MCF2L2: variants seen among roughly 807,000 people sequenced by gnomAD.
MCF2L2 encodes the protein MCF.2 cell line derived transforming sequence-like 2.
In MCF2L2, 102 loss-of-function variants were observed where a neutral mutation model predicts 150.2. The ratio of observed to expected loss-of-function variants is 0.68; its 90% CI spans 0.58 to 0.80. The LOEUF is 0.80. MCF2L2 is among the 30% of genes least tolerant of loss of function. MCF2L2 has a pLI of 0.00. For synonymous variants in MCF2L2, 465 were observed against 491.3 expected (o/e 0.95, Z 0.71); for missense variants, 1,256 against 1,372.8 (o/e 0.91, Z 1.34).
At position 183,395,935 on chromosome 3, in the gene MCF2L2, A is replaced by AAAAG. The variant is rs71629981; in HGVS notation, c.77-6160_77-6157dup. ...ATCGTCTCAAAAAAAAAAAAAAAAAAAAAGAAAGAAAGAAAGAAAGAAAGA... is the reference window on the plus strand; with the variant it reads ...ATCGTCTCAAAAAAAAAAAAAAAAAAAAAGAAAGAAAGAAAGAAAGAAAGAAAGA... On this transcript the variant is annotated intron_variant, in intron 1 of 29. Coordinates refer to ENST00000328913, the MANE Select transcript of MCF2L2 (RefSeq NM_015078.4). 1.1e-3 allele frequency among the ~76,000 whole-genome samples: 108 copies of AAAAG among 99,088 alleles called. 2 individuals carry two copies. The highest frequency in any genetic ancestry group is 2.5e-3 in the South Asian group (7 of 2,838). The allele number at this position is 99,088 out of a possible 152,430, so 65.0% of individuals were successfully genotyped here.
At chr3:183,406,315 G>C (rs541723049) in intron 1 of MCF2L2, among the ~76,000 whole-genome samples, 1 of 151,996 alleles carries the variant, frequency 6.6e-6, no homozygotes, top group African/African-American at 2.4e-5. Flanking sequence ...TACTGATATT[G>C]AGCATATTTT....
chr3:183,363,885 A>G (rs1449338140), intron 3 of MCF2L2, among the ~76,000 whole-genome samples: 1 of 152,246 alleles, frequency 6.6e-6, no homozygotes, highest in East Asian at 1.9e-4. Flanking sequence ...CATGCCAGTA[A>G]CAGAGGATTC....
intron 3 of MCF2L2, among the ~76,000 whole-genome samples, chr3:183,342,221 G>C (rs2108542463): frequency 6.6e-6 from 1 of 152,308 alleles, no homozygotes; most frequent in Middle Eastern, 3.4e-3. Flanking sequence ...AATTCTCACA[G>C]AATCTTTCGA....
chr3:183,179,442 C>T lies in MCF2L2; in HGVS notation c.3283G>A (p.Gly1095Arg). The change falls in exon 30 of 30, where the codon GGG becomes AGG. Residue 1095 changes from glycine to arginine, a missense_variant. Physicochemically the swap from Gly to Arg is moderately radical, Grantham distance 125. Transcript: ENST00000328913. This position sits in a 1 kb window ranked among gnomAD's most constrained non-coding sequence, Gnocchi z 4.2. Reference sequence around the variant, plus strand: ...CTCGCCTGGAAACCAGCCGTCGCCCCCGCAGGAGCCAGCCGGCCCGTGGAC... The same window carrying T: ...CTCGCCTGGAAACCAGCCGTCGCCCTCGCAGGAGCCAGCCGGCCCGTGGAC... ...GASTGRLAPAGATAGFQARAL... is the reference protein window; with the variant it reads ...GASTGRLAPARATAGFQARAL... 1.9e-6 allele frequency: 3 copies of T among 1,585,236 alleles called. No individual in the cohort carries two copies. Among genetic ancestry groups the T allele is most frequent in the Non-Finnish European group, 2.6e-6 (3 of 1,164,826 alleles).
chr3:183,392,521 A>G (rs992345707), intron 1 of MCF2L2, among the ~76,000 whole-genome samples: 1 of 152,194 alleles, frequency 6.6e-6, no homozygotes, highest in Non-Finnish European at 1.5e-5. Flanking sequence ...TTGTTTTTCT[A>G]AGAATAGCAA....
At chr3:183,204,660 C>G (rs529969826) in intron 25 of MCF2L2, among the ~76,000 whole-genome samples, 2 of 151,936 alleles carry the variant, frequency 1.3e-5, no homozygotes, top group East Asian at 1.9e-4. Context: ...ATATATACAC[C>G]AAAGAAAACT....
intron 1 of MCF2L2, among the ~76,000 whole-genome samples, chr3:183,397,163 T>G (rs1714512026): frequency 6.6e-6 from 1 of 152,150 alleles, no homozygotes; most frequent in South Asian, 2.1e-4. Context: ...TAACCACAAG[T>G]CTTAGTCTGT....
intron 27 of MCF2L2, among the ~76,000 whole-genome samples, chr3:183,187,219 C>G (rs184634571): frequency 6.6e-6 from 1 of 152,260 alleles, no homozygotes; most frequent in Non-Finnish European, 1.5e-5. Flanking sequence ...ACAACCATGA[C>G]GTGCTATACC....
At chr3:183,361,014 A>AAAAGAAAAGG (rs1560040140) in intron 3 of MCF2L2, among the ~76,000 whole-genome samples, 2 of 143,396 alleles carry the variant, frequency 1.4e-5, no homozygotes, top group East Asian at 4.0e-4. Context: ...AAAAGAAAAG[A>AAAAGAAAAGG]AAAGAAAAGA....
intron 2 of MCF2L2, among the ~76,000 whole-genome samples, chr3:183,388,464 T>G (rs1163776012): frequency 6.6e-6 from 1 of 152,090 alleles, no homozygotes; most frequent in Non-Finnish European, 1.5e-5. Flanking sequence ...GCTGGTTAGG[T>G]CCTCCCACAG....
chr3:183,206,916 AG>A (rs1478541091), intron 23 of MCF2L2, among the ~76,000 whole-genome samples: 3 of 11,040 alleles, frequency 2.7e-4, no homozygotes, highest in Admixed American at 1.0e-3. Context: ...AAAGAAAGAA[AG>A]GAAGGAAGGA....
intron 21 of MCF2L2, among the ~76,000 whole-genome samples, chr3:183,216,563 T>TAAA (rs1722929018): frequency 3.3e-4 from 1 of 3,030 alleles, no homozygotes; most frequent in Non-Finnish European, 6.6e-4. Flanking sequence ...TATATATATA[T>TAAA]ATATATATAT....
intron 1 of MCF2L2, among the ~76,000 whole-genome samples, chr3:183,405,762 T>C (rs1005567030): frequency 6.6e-6 from 1 of 152,174 alleles, no homozygotes; most frequent in South Asian, 2.1e-4. Flanking sequence ...TGTCGCCCAG[T>C]TGGAGTGCAG....
intron 2 of MCF2L2, among the ~76,000 whole-genome samples, chr3:183,381,397 G>A (rs1052128325): frequency 6.6e-6 from 1 of 152,182 alleles, no homozygotes; most frequent in Admixed American, 6.5e-5. Flanking sequence ...CACGTTACCA[G>A]TCTATCTGAT....
chr3:183,245,275 T>C (rs977935493), intron 15 of MCF2L2, among the ~76,000 whole-genome samples: 2 of 152,042 alleles, frequency 1.3e-5, no homozygotes, highest in African/African-American at 4.8e-5. Context: ...AGAAGGGGAA[T>C]GGATTGGGTT....
intron 25 of MCF2L2, among the ~76,000 whole-genome samples, chr3:183,196,684 C>T (rs1722093241): frequency 6.6e-6 from 1 of 152,156 alleles, no homozygotes; most frequent in South Asian, 2.1e-4. Flanking sequence ...GCACCAGGCT[C>T]AGGAGACTCA....
At chr3:183,219,761 A>C in intron 21 of MCF2L2, 95 bp downstream of exon 21, 1 of 814,910 alleles carries the variant, frequency 1.2e-6, no homozygotes, top group Non-Finnish European at 2.0e-6. Context: ...CTAGATAATA[A>C]AGACCACCAA....
At chr3:183,306,571 C>G (rs1729108819) in intron 10 of MCF2L2, among the ~76,000 whole-genome samples, 1 of 152,210 alleles carries the variant, frequency 6.6e-6, no homozygotes, top group Non-Finnish European at 1.5e-5. Flanking sequence ...TGATGCTACT[C>G]TATCCGGGAA....
At chr3:183,320,094 C>CTTT (rs568657208) in intron 6 of MCF2L2, among the ~76,000 whole-genome samples, 2 of 134,658 alleles carry the variant, frequency 1.5e-5, no homozygotes, top group African/African-American at 5.6e-5. Context: ...TTTTTCTTTT[C>CTTT]TTTTTTTTTT....
Sources: allele counts gnomAD v4.1 joint callset (sites outside exome capture counted in the v4.1 genomes callset), GRCh38; gene constraint gnomAD v4.1.1; non-coding constraint Gnocchi (gnomAD v3.1); transcripts MANE v1.5; gene names NCBI Gene and HGNC (gene_info 2026-07-23, HGNC 2026-07-21).